Variants in NEK4 observed in about 807,000 individuals in gnomAD.
NEK4 encodes the protein serine/threonine-protein kinase Nek4.
In NEK4, 86 loss-of-function variants were observed where a neutral mutation model predicts 98.4. That is an observed-to-expected ratio of 0.87 (90% CI 0.73 to 1.05). The LOEUF (loss-of-function observed/expected upper bound fraction) is 1.05. Ranked by LOEUF, NEK4 falls within the 50% of genes least tolerant of loss-of-function variation. The pLI, the probability that NEK4 is intolerant of heterozygous loss-of-function variation, is 0.00. For missense variants in NEK4, 898 were observed against 950.3 expected (o/e 0.94, Z 0.72); for synonymous variants, 328 against 342.2 (o/e 0.96, Z 0.46).
intron 6 of NEK4, among the ~76,000 whole-genome samples, chr3:52,752,933 T>TATACACACACACACACACAC (rs148965312): frequency 5.3e-5 from 4 of 75,586 alleles, no homozygotes; most frequent in East Asian, 6.7e-4. Context: ...TATATATATA[T>TATACACACACACACACACAC]ACACACACAC....
intron 6 of NEK4, chr3:52,754,522 C>T (rs1053175843): frequency 1.7e-6 from 2 of 1,184,226 alleles, no homozygotes; most frequent in African/African-American, 3.0e-5. Flanking sequence ...AAGACTCATG[C>T]AATTAGCTTT....
intron 15 of NEK4, among the ~76,000 whole-genome samples, chr3:52,719,148 A>T (rs1336887166): frequency 6.6e-6 from 1 of 152,228 alleles, no homozygotes; most frequent in South Asian, 2.1e-4. Context: ...TAAGCTTTGG[A>T]ATAAAAAGTC....
At chr3:52,720,799 CAAT>C (rs1328678496) in intron 15 of NEK4, among the ~76,000 whole-genome samples, 1 of 152,202 alleles carries the variant, frequency 6.6e-6, no homozygotes, top group Non-Finnish European at 1.5e-5. Flanking sequence ...AGACCCTACA[CAAT>C]AACTCAAAGC....
At chr3:52,720,523 G>T (rs1423045224) in intron 15 of NEK4, among the ~76,000 whole-genome samples, 5 of 152,134 alleles carry the variant, frequency 3.3e-5, no homozygotes, top group African/African-American at 1.2e-4. Context: ...CTTGAAAGCA[G>T]CAAGATGAAA....
chr3:52,720,032 C>G (rs2097358643), intron 15 of NEK4, among the ~76,000 whole-genome samples: 1 of 152,158 alleles, frequency 6.6e-6, no homozygotes, highest in East Asian at 1.9e-4. Context: ...CCTGTAATCC[C>G]AGCACTTTGG....
chr3:52,730,445 G>A (rs1006754523), intron 15 of NEK4, among the ~76,000 whole-genome samples: 8 of 152,308 alleles, frequency 5.3e-5, no homozygotes, highest in African/African-American at 7.2e-5. Flanking sequence ...TGAGGCTGAC[G>A]ACAATGCCCT....
At chr3:52,726,915 TAA>T (rs2097365121) in intron 15 of NEK4, among the ~76,000 whole-genome samples, 2 of 149,000 alleles carry the variant, frequency 1.3e-5, no homozygotes, top group African/African-American at 2.5e-5. Flanking sequence ...AATAAATAAA[TAA>T]GAGGACTTGA....
In NEK4 at chr3:52,764,770, ACACACATG is replaced by A. The variant is rs772075118; in HGVS notation, c.666+1109_666+1116del. ...GGTGTGCGCGTGCGCATGCACACAC[ACACACATG>A]CACACACACACACACACACACACAC... On this transcript the variant is annotated intron_variant, in intron 4 of 15. Transcript: ENST00000233027. Among the ~76,000 whole-genome samples, 387 of 76,510 alleles carry A rather than the reference ACACACATG, an allele frequency of 5.1e-3. 1 individual carries two copies. The highest frequency in any genetic ancestry group is 0.029 in the African/African-American group (356 of 12,244). 50.2% of individuals were successfully genotyped at this position (76,510 alleles called of 152,430 possible).
chr3:52,768,836 C>A (rs1461796600), intron 1 of NEK4, among the ~76,000 whole-genome samples: 1 of 152,068 alleles, frequency 6.6e-6, no homozygotes, highest in Non-Finnish European at 1.5e-5. Context: ...TTACCTTTCC[C>A]ATCTGCATTT....
chr3:52,753,461 T>C (rs2097409156), intron 6 of NEK4: 1 of 377,790 alleles, frequency 2.6e-6, no homozygotes, highest in South Asian at 2.0e-5. Flanking sequence ...GGCTGGTAAA[T>C]TGAATGCTGA....
chr3:52,719,350 G>GA (rs1243282530), intron 15 of NEK4, among the ~76,000 whole-genome samples: 1 of 151,958 alleles, frequency 6.6e-6, no homozygotes, highest in African/African-American at 2.4e-5. Context: ...CTTGGGGTCA[G>GA]AAAAAAATCT....
intron 6 of NEK4, among the ~76,000 whole-genome samples, chr3:52,755,526 GA>G (rs201075274): frequency 2.7e-5 from 4 of 149,436 alleles, no homozygotes; most frequent in African/African-American, 4.9e-5. Context: ...ACTACGAATA[GA>G]AAAAAAAATT....
chr3:52,751,806 C>G, intron 7 of NEK4, 126 bp downstream of exon 7: 2 of 935,596 alleles, frequency 2.1e-6, no homozygotes, highest in Non-Finnish European at 1.6e-6. Context: ...TGCAAATATT[C>G]TTCTATGTTT....
chr3:52,720,451 CAA>C (rs1431649194), intron 15 of NEK4, among the ~76,000 whole-genome samples: 6 of 152,074 alleles, frequency 3.9e-5, no homozygotes, highest in Admixed American at 3.9e-4. Context: ...AGGATAAACT[CAA>C]AGAGATCCAC....
chr3:52,728,096 G>A (rs1416961059), intron 15 of NEK4, among the ~76,000 whole-genome samples: 2 of 152,190 alleles, frequency 1.3e-5, no homozygotes, highest in Non-Finnish European at 2.9e-5. Context: ...TAAGGTGCCA[G>A]GCATGGTAGC....
intron 2 of NEK4, among the ~76,000 whole-genome samples, chr3:52,767,005 AAT>A (rs1373951990): frequency 6.6e-6 from 1 of 152,068 alleles, no homozygotes; most frequent in Non-Finnish European, 1.5e-5. Flanking sequence ...AAAAAAAAAA[AAT>A]ATGTTTACAG....
intron 14 of NEK4, among the ~76,000 whole-genome samples, chr3:52,738,722 A>C (rs1351815504): frequency 6.6e-6 from 1 of 152,178 alleles, no homozygotes; most frequent in Admixed American, 6.5e-5. Context: ...AAGTATAGGC[A>C]TGAGCCACCG....
chr3:52,726,726 T>C (rs1055918840), intron 15 of NEK4, among the ~76,000 whole-genome samples: 2 of 151,262 alleles, frequency 1.3e-5, no homozygotes, highest in African/African-American at 4.9e-5. Flanking sequence ...GCCAAGATGG[T>C]GAAACCCCGT....
At chr3:52,764,532 G>A (rs571890020) in intron 4 of NEK4, among the ~76,000 whole-genome samples, 26 of 151,998 alleles carry the variant, frequency 1.7e-4, no homozygotes, top group South Asian at 1.2e-3. Flanking sequence ...TTGGGAGGCC[G>A]AGGCAGGAGA....
Sources: gnomAD v4.1 joint callset for allele counts (sites outside exome capture counted in the v4.1 genomes callset) on GRCh38, gnomAD v4.1.1 for gene constraint, MANE v1.5 for transcripts, NCBI Gene and HGNC (gene_info 2026-07-23, HGNC 2026-07-21) for gene names.